The following GALNT13 variants were observed in gnomAD, a reference collection of about 807,000 sequenced individuals.
GALNT13 encodes polypeptide N-acetylgalactosaminyltransferase 13.
GALNT13 carries 28 observed loss-of-function variants against 64.2 expected under a neutral mutation model. The observed-to-expected ratio is 0.44, with a 90% CI of 0.32 to 0.60. The LOEUF (loss-of-function observed/expected upper bound fraction) is 0.60. GALNT13 is among the 20% of genes least tolerant of loss of function. The pLI, the probability that GALNT13 is intolerant of heterozygous loss-of-function variation, is 0.05. For missense variants in GALNT13, 577 were observed against 669.8 expected, an observed-to-expected ratio of 0.86 and a Z score of 1.53; for synonymous variants, 214 against 224.6, an observed-to-expected ratio of 0.95 and a Z score of 0.42.
intron 8 of GALNT13, among the ~76,000 whole-genome samples, chr2:154,272,672 C>T (rs969345667): frequency 1.3e-5 from 2 of 152,006 alleles, no homozygotes; most frequent in African/African-American, 4.8e-5. Flanking sequence ...CTAGAGCCTC[C>T]CATTAAGTGT....
chr2:153,421,667 G>C, the GALNT13 span: 1 of 283,918 alleles, frequency 3.5e-6, no homozygotes, highest in Non-Finnish European at 7.3e-6. Flanking sequence ...GCATAGTTAT[G>C]GGCAGCGTCT....
intron 2 of GALNT13, among the ~76,000 whole-genome samples, chr2:153,931,559 G>C (rs1030422439): frequency 6.6e-6 from 1 of 152,012 alleles, no homozygotes. Flanking sequence ...TTAACATGAT[G>C]CCATGTTGAA....
At chr2:153,239,505 T>C in the GALNT13 span, among the ~76,000 whole-genome samples, 1 of 152,172 alleles carries the variant, frequency 6.6e-6, no homozygotes, top group Non-Finnish European at 1.5e-5. Flanking sequence ...GTATGGTCTT[T>C]CTATTCTTTG....
the GALNT13 span, among the ~76,000 whole-genome samples, chr2:153,091,497 C>T: frequency 6.6e-6 from 1 of 152,300 alleles, no homozygotes; most frequent in African/African-American, 2.4e-5. Flanking sequence ...TTTGCAGTGG[C>T]ATGCTGCTCC....
At chr2:153,614,635 G>A in the GALNT13 span, among the ~76,000 whole-genome samples, 1 of 151,988 alleles carries the variant, frequency 6.6e-6, no homozygotes, top group Non-Finnish European at 1.5e-5. Flanking sequence ...TATAGTTTTT[G>A]TATTAATGAT....
the GALNT13 span, chr2:153,593,260 T>TCGGTTTGCGGTTTG: frequency 6.6e-6 from 1 of 152,284 alleles, no homozygotes; most frequent in African/African-American, 2.4e-5. Context: ...GACCAGCCCT[T>TCGGTTTGCGGTTTG]CGGTTTGCGG....
the GALNT13 span, among the ~76,000 whole-genome samples, chr2:153,108,065 A>G: frequency 2.0e-5 from 3 of 152,052 alleles, no homozygotes; most frequent in African/African-American, 7.2e-5. Context: ...TTTAGTAGAG[A>G]CAGGGTTTTG....
At chr2:153,735,031 G>A in the GALNT13 span, among the ~76,000 whole-genome samples, 1 of 152,088 alleles carries the variant, frequency 6.6e-6, no homozygotes, top group African/African-American at 2.4e-5. Context: ...CAGACAAAGT[G>A]AAAGAACCAC....
At chr2:154,088,684 G>A (rs755195525) in intron 3 of GALNT13, among the ~76,000 whole-genome samples, 6 of 151,962 alleles carry the variant, frequency 3.9e-5, no homozygotes, top group Non-Finnish European at 7.4e-5. Context: ...AACTCCTGAC[G>A]TCAGGCGATT....
At chr2:154,206,552 T>C (rs1687467084) in intron 4 of GALNT13, among the ~76,000 whole-genome samples, 1 of 151,870 alleles carries the variant, frequency 6.6e-6, no homozygotes, top group South Asian at 2.1e-4. Context: ...CCTAGCACTT[T>C]GGGAGGCCAA....
chr2:153,157,318 T>G, the GALNT13 span, among the ~76,000 whole-genome samples: 2 of 152,188 alleles, frequency 1.3e-5, no homozygotes, highest in African/African-American at 4.8e-5. Context: ...TGTCTCTGCA[T>G]GTGGCTCATA....
At chr2:153,880,290 A>C (rs1217850436) in intron 1 of GALNT13, among the ~76,000 whole-genome samples, 1 of 152,152 alleles carries the variant, frequency 6.6e-6, no homozygotes, top group Non-Finnish European at 1.5e-5. Context: ...TCTTTAACAA[A>C]GTACATTTTC....
chr2:154,208,624 CTGTGTGTGTGTGTGTGTG>C lies in GALNT13; in HGVS notation c.312-33378_312-33361del, dbSNP rs57789546. Among the ~76,000 whole-genome samples the C allele has an allele frequency of 1.2e-3, 171 of 140,454 alleles. 2 individuals are homozygous for C. In the South Asian group the frequency reaches 0.036, roughly 30 times the overall value. 92.1% of individuals were successfully genotyped at this position (140,454 alleles called of 152,430 possible). On this transcript the variant is annotated intron_variant, in intron 4 of 12. Coordinates refer to ENST00000392825, the MANE Select transcript of GALNT13 (RefSeq NM_052917.4). ...CTTATTTTAATCACGTTTTGCGTGT[CTGTGTGTGTGTGTGTGTG>C]TGTGTGTGTGTGTGTGTGTGTGTGT...
chr2:153,721,398 A>C, the GALNT13 span, among the ~76,000 whole-genome samples: 1 of 143,550 alleles, frequency 7.0e-6, no homozygotes, highest in Non-Finnish European at 1.5e-5. Flanking sequence ...AAGAAACTGC[A>C]TCAACTAACG....
intron 3 of GALNT13, among the ~76,000 whole-genome samples, chr2:154,009,168 T>C: frequency 1.6e-5 from 1 of 63,934 alleles, no homozygotes; most frequent in African/African-American, 6.1e-5. Context: ...CTCCATTGCT[T>C]CTTTTTTTTT....
chr2:153,166,936 C>A, the GALNT13 span, among the ~76,000 whole-genome samples: 2 of 152,318 alleles, frequency 1.3e-5, no homozygotes, highest in South Asian at 2.1e-4. Context: ...CTACCAACAA[C>A]CATGTGAGTT....
At position 154,327,232 on chromosome 2, in the gene GALNT13, G is replaced by A. The variant is rs112052827; in HGVS notation, c.1156+25643G>A. Among the ~76,000 whole-genome samples, 9 of 152,106 alleles carry A rather than the reference G, an allele frequency of 5.9e-5. 1 individual carries two copies. The highest frequency in any genetic ancestry group is 9.6e-5 in the African/African-American group (4 of 41,516). The stretch of plus-strand genomic sequence containing the variant: ...TCCTTCCTGTCGCCTTGTGAAGGTC[G>A]CCTTTGCCTTCCACCATGGTTGAAA... On this transcript the variant is annotated intron_variant, in intron 9 of 12. Transcript: ENST00000392825.
At chr2:153,673,316 A>C in the GALNT13 span, among the ~76,000 whole-genome samples, 1 of 152,212 alleles carries the variant, frequency 6.6e-6, no homozygotes, top group African/African-American at 2.4e-5. Flanking sequence ...TCAATAAAAT[A>C]CTGGCAAAAC....
chr2:154,138,900 A>C (rs1574579168), intron 3 of GALNT13, among the ~76,000 whole-genome samples: 1 of 152,006 alleles, frequency 6.6e-6, no homozygotes, highest in Non-Finnish European at 1.5e-5. Flanking sequence ...CCTTCTCATA[A>C]AATTTCTGCC....
Sources: gnomAD v4.1 joint callset for allele counts (sites outside exome capture counted in the v4.1 genomes callset) on GRCh38, gnomAD v4.1.1 for gene constraint, MANE v1.5 for transcripts, NCBI Gene and HGNC (gene_info 2026-07-23, HGNC 2026-07-21) for gene names.